The following PEX14 variants were observed in gnomAD, a reference collection of about 807,000 sequenced individuals.
The protein encoded by PEX14 is peroxisomal membrane protein PEX14.
A neutral mutation model predicts 49.5 loss-of-function variants in PEX14; 15 were observed. The observed-to-expected ratio is 0.30, with a 90% confidence interval of 0.20 to 0.47. The LOEUF is 0.47. Among genes scored for constraint, PEX14 ranks in the 20% least tolerant of loss-of-function variants. The pLI, the probability that PEX14 is intolerant of heterozygous loss-of-function variation, is 1.00. For missense variants in PEX14, 398 were observed against 494.8 expected, an observed-to-expected ratio of 0.80 and a Z score of 1.86; for synonymous variants, 210 against 212.7, an observed-to-expected ratio of 0.99 and a Z score of 0.11.
At chr1:10,571,997 A>G (rs898917232) in intron 3 of PEX14, among the ~76,000 whole-genome samples, 2 of 152,178 alleles carry the variant, frequency 1.3e-5, no homozygotes, top group East Asian at 3.8e-4. Flanking sequence ...GAAACAGAAC[A>G]CGGAGCTTCC....
intron 3 of PEX14, among the ~76,000 whole-genome samples, chr1:10,551,427 G>A (rs1048606118): frequency 1.3e-5 from 2 of 152,126 alleles, no homozygotes; most frequent in Non-Finnish European, 2.9e-5. Flanking sequence ...CTCCATTAGC[G>A]TGGATGTCAT....
intron 3 of PEX14, among the ~76,000 whole-genome samples, chr1:10,594,532 C>T (rs1047792372): frequency 2.0e-5 from 3 of 152,334 alleles, no homozygotes; most frequent in South Asian, 2.1e-4. Context: ...AGCAGGAAGG[C>T]GCTGGCAGGA....
rs779545665 is a variant in PEX14, at chr1:10,495,285, T to G, written c.48T>G (p.Thr16=). The G allele has an allele frequency of 1.9e-6, 3 of 1,613,886 alleles. No individual in the cohort carries two copies. In the East Asian group the frequency reaches 6.7e-5, roughly 36 times the overall value. The stretch of plus-strand genomic sequence containing the variant: ...ATTTTTCTCTGCAGCCAAGCTCTAC[T>G]CCAGGAAGTGAAAATGTGCTGCCTC... ...QAEQPSQPSS[T]PGSENVLPRE... The change falls in exon 2 of 9, where the codon ACT becomes ACG. Residue 16 remains threonine (T), a synonymous_variant. Coordinates refer to ENST00000356607, the MANE Select transcript of PEX14 (RefSeq NM_004565.3). This position sits in a 1 kb window ranked among gnomAD's most constrained non-coding sequence, Gnocchi z 4.2.
chr1:10,611,269 G>A (rs990546399), intron 4 of PEX14, among the ~76,000 whole-genome samples: 3 of 151,614 alleles, frequency 2.0e-5, no homozygotes, highest in African/African-American at 7.3e-5. Flanking sequence ...TCCCCCCACC[G>A]AAATAAAAAA....
chr1:10,581,354 T>A lies in PEX14; in HGVS notation c.170-17884T>A, dbSNP rs574305333. Among the ~76,000 whole-genome samples the A allele has an allele frequency of 8.6e-4, 127 of 148,114 alleles. 2 individuals are homozygous for A. Among genetic ancestry groups the A allele is most frequent in the African/African-American group, 3.0e-3 (118 of 39,346 alleles). The stretch of plus-strand genomic sequence containing the variant: ...CAGAGTCTGGCTCTGTCGCCCAGGC[T>A]GGAGTGCAGTGGTGCAATCTCGGCT... On this transcript the variant is annotated intron_variant, in intron 3 of 8. Coordinates refer to ENST00000356607, the MANE Select transcript of PEX14 (RefSeq NM_004565.3).
intron 1 of PEX14, among the ~76,000 whole-genome samples, chr1:10,493,616 C>T (rs150562428): frequency 2.6e-5 from 4 of 152,090 alleles, no homozygotes; most frequent in South Asian, 2.1e-4. Context: ...TTTGTAGAGA[C>T]GAGGATTTGC....
At chr1:10,598,827 A>G (rs1182484128) in intron 3 of PEX14, among the ~76,000 whole-genome samples, 1 of 151,838 alleles carries the variant, frequency 6.6e-6, no homozygotes, top group Non-Finnish European at 1.5e-5. Context: ...CCCAATAATT[A>G]GTTTTTTGTT....
intron 2 of PEX14, among the ~76,000 whole-genome samples, chr1:10,520,434 A>G (rs1407965566): frequency 6.6e-6 from 1 of 152,138 alleles, no homozygotes; most frequent in Non-Finnish European, 1.5e-5. Flanking sequence ...GCTGGATTAT[A>G]GTCATGAACC....
At chr1:10,532,167 G>A (rs1570220270) in intron 2 of PEX14, among the ~76,000 whole-genome samples, 1 of 152,136 alleles carries the variant, frequency 6.6e-6, no homozygotes, top group Non-Finnish European at 1.5e-5. Flanking sequence ...TCAACCTGAA[G>A]TCCCCCCCGC....
chr1:10,557,302 T>C (rs9660218), intron 3 of PEX14, among the ~76,000 whole-genome samples: 50,151 of 152,100 alleles, frequency 0.33, 8,843 homozygotes, highest in East Asian at 0.46. Context: ...ACCTCAGAGT[T>C]AGGCTGGGTG....
In PEX14 at chr1:10,529,301, C is replaced by T. The variant is rs751525757; in HGVS notation, c.85-6912C>T. Among the ~76,000 whole-genome samples the T allele has an allele frequency of 1.3e-5, 2 of 152,250 alleles. No individual in the cohort carries two copies. The highest frequency in any genetic ancestry group is 2.9e-5 in the Non-Finnish European group (2 of 68,044). On this transcript the variant is annotated intron_variant, in intron 2 of 8. Coordinates refer to ENST00000356607, the MANE Select transcript of PEX14 (RefSeq NM_004565.3). This position sits in a 1 kb window ranked among gnomAD's most constrained non-coding sequence, Gnocchi z 4.2. ...GCGTGGTGACCGTCACCCGCTGCATCAGCAGCTCTGCTTTTCAAGCTGTGC... is the reference window on the plus strand; with the variant it reads ...GCGTGGTGACCGTCACCCGCTGCATTAGCAGCTCTGCTTTTCAAGCTGTGC...
chr1:10,508,787 C>T (rs1481864098), intron 2 of PEX14, among the ~76,000 whole-genome samples: 2 of 152,224 alleles, frequency 1.3e-5, no homozygotes, highest in African/African-American at 4.8e-5. Flanking sequence ...GCCTTGACTC[C>T]ACTGAGGGAG....
At chr1:10,480,031 A>G (rs1641256414) in intron 1 of PEX14, among the ~76,000 whole-genome samples, 2 of 152,204 alleles carry the variant, frequency 1.3e-5, no homozygotes, top group African/African-American at 4.8e-5. Context: ...TAAATAAAAT[A>G]AAAAATAATT....
chr1:10,500,091 G>A (rs116077495), intron 2 of PEX14, among the ~76,000 whole-genome samples: 1,859 of 152,158 alleles, frequency 0.012, 38 homozygotes, highest in African/African-American at 0.042. Flanking sequence ...GATGGATTCA[G>A]GGAGCCAGTA....
chr1:10,503,660 G>A (rs2781230), intron 2 of PEX14, among the ~76,000 whole-genome samples: 34,213 of 151,664 alleles, frequency 0.23, 4,189 homozygotes, highest in East Asian at 0.29. Context: ...CCCCCAGTGT[G>A]AAAACTGTTG....
At chr1:10,617,151 C>A (rs183522024) in intron 4 of PEX14, 14 of 152,102 alleles carry the variant, frequency 9.2e-5, no homozygotes, top group Non-Finnish European at 1.9e-4. Context: ...GAGAAGAGAA[C>A]GGGGCCAGGT....
At chr1:10,487,634 G>A (rs932582318) in intron 1 of PEX14, among the ~76,000 whole-genome samples, 9 of 151,754 alleles carry the variant, frequency 5.9e-5, no homozygotes, top group African/African-American at 1.4e-4. Flanking sequence ...ACAGGCGTGC[G>A]CCACCACACC....
At chr1:10,480,198 ATG>A (rs1641258436) in intron 1 of PEX14, among the ~76,000 whole-genome samples, 2 of 67,164 alleles carry the variant, frequency 3.0e-5, no homozygotes, top group African/African-American at 1.7e-4. Context: ...TGCCCTCTCA[ATG>A]TTTTTTTTTT....
At chr1:10,543,731 C>T (rs188526553) in intron 3 of PEX14, among the ~76,000 whole-genome samples, 30 of 152,248 alleles carry the variant, frequency 2.0e-4, no homozygotes, top group Admixed American at 5.2e-4. Flanking sequence ...CTTAGCCTCC[C>T]GAGTAGCTGG....
Sources: gnomAD v4.1 joint callset for allele counts (sites outside exome capture counted in the v4.1 genomes callset) on GRCh38, gnomAD v4.1.1 for gene constraint, Gnocchi (gnomAD v3.1) non-coding constraint, MANE v1.5 for transcripts, NCBI Gene and HGNC (gene_info 2026-07-23, HGNC 2026-07-21) for gene names.